Variants in AGBL4 observed in about 807,000 individuals in gnomAD.
AGBL4 encodes cytosolic carboxypeptidase 6.
In AGBL4, 58 loss-of-function variants were observed where a neutral mutation model predicts 66.4. The observed-to-expected ratio is 0.87, with a 90% CI of 0.71 to 1.09. The LOEUF is 1.09. Ranked by LOEUF, AGBL4 falls within the 50% of genes least tolerant of loss-of-function variation. The probability of loss-of-function intolerance (pLI) is 0.00; values close to 1 mark genes in which losing one functional copy is unlikely to be tolerated. For synonymous variants in AGBL4, 234 were observed against 222.9 expected, an observed-to-expected ratio of 1.05 and a Z score of -0.44; for missense variants, 579 against 631.0, an observed-to-expected ratio of 0.92 and a Z score of 0.88.
At chr1:49,158,130 AGAAAGCT>A (rs1470607815) in intron 4 of AGBL4, among the ~76,000 whole-genome samples, 1 of 152,166 alleles carries the variant, frequency 6.6e-6, no homozygotes, top group Non-Finnish European at 1.5e-5. Context: ...AGCCATATGC[AGAAAGCT>A]GAAACTGAAC....
At chr1:49,044,053 A>G (rs1336560444) in intron 5 of AGBL4, among the ~76,000 whole-genome samples, 20 of 152,174 alleles carry the variant, frequency 1.3e-4, no homozygotes, top group Non-Finnish European at 7.4e-5. Flanking sequence ...GGCACAATCC[A>G]CACTTTTTGA....
intron 6 of AGBL4, among the ~76,000 whole-genome samples, chr1:48,745,984 C>T (rs1203687416): frequency 6.6e-6 from 1 of 152,096 alleles, no homozygotes; most frequent in African/African-American, 2.4e-5. Flanking sequence ...GGCTTGAGGA[C>T]AGCCAAGGAC....
chr1:48,761,523 A>G, intron 6 of AGBL4: 1 of 1,519,690 alleles, frequency 6.6e-7, no homozygotes, highest in Non-Finnish European at 8.9e-7. Flanking sequence ...ATGAGTCATT[A>G]TGAGTTTAGA....
At chr1:49,177,541 A>G (rs748982113) in intron 4 of AGBL4, among the ~76,000 whole-genome samples, 3 of 152,204 alleles carry the variant, frequency 2.0e-5, no homozygotes, top group African/African-American at 4.8e-5. Context: ...CTCATCAGTC[A>G]TATTGAAACA....
intron 2 of AGBL4, among the ~76,000 whole-genome samples, chr1:49,750,417 T>C (rs528673406): frequency 1.5e-4 from 23 of 152,328 alleles, no homozygotes; most frequent in Admixed American, 7.8e-4. Flanking sequence ...TGTGGTGTTA[T>C]TTCTGAGGCT....
At chr1:48,535,008 G>A in intron 12 of AGBL4, 92 bp from the exon 13 acceptor site, 2 of 1,240,768 alleles carry the variant, frequency 1.6e-6, no homozygotes, top group South Asian at 1.3e-5. Flanking sequence ...ATTGAAGGAT[G>A]TTGTTTTTAA....
chr1:49,450,129 T>C (rs1322449649), intron 3 of AGBL4, among the ~76,000 whole-genome samples: 1 of 152,100 alleles, frequency 6.6e-6, no homozygotes, highest in Non-Finnish European at 1.5e-5. Context: ...TTCTTTATCT[T>C]GGCTAGAAAC....
chr1:49,716,743 A>T (rs1210737961), intron 2 of AGBL4, among the ~76,000 whole-genome samples: 1 of 151,972 alleles, frequency 6.6e-6, no homozygotes, highest in East Asian at 1.9e-4. Context: ...CATGCTAAAA[A>T]CTCTCAGTAA....
At chr1:48,640,009 A>C (rs1278916644) in intron 8 of AGBL4, among the ~76,000 whole-genome samples, 1 of 152,174 alleles carries the variant, frequency 6.6e-6, no homozygotes, top group Non-Finnish European at 1.5e-5. Context: ...AGAGTTACTG[A>C]ATGCAAAATC....
At chr1:49,868,962 T>C (rs537043480) in intron 1 of AGBL4, among the ~76,000 whole-genome samples, 2 of 151,714 alleles carry the variant, frequency 1.3e-5, no homozygotes, top group East Asian at 1.9e-4. Flanking sequence ...CAGACACTTC[T>C]CAAGACATTT....
chr1:49,043,297 G>A (rs1476335575), intron 5 of AGBL4, among the ~76,000 whole-genome samples: 3 of 152,082 alleles, frequency 2.0e-5, no homozygotes, highest in African/African-American at 7.2e-5. Context: ...TTCTGGTTGT[G>A]TTGGCCAATA....
chr1:49,713,638 A>T (rs1211382873), intron 2 of AGBL4, among the ~76,000 whole-genome samples: 5 of 152,066 alleles, frequency 3.3e-5, no homozygotes, highest in Non-Finnish European at 7.4e-5. Context: ...ATACATAAAC[A>T]GATTTTGTTG....
At chr1:49,598,865 G>T (rs1032280865) in intron 3 of AGBL4, among the ~76,000 whole-genome samples, 2 of 152,142 alleles carry the variant, frequency 1.3e-5, no homozygotes, top group Admixed American at 6.5e-5. Flanking sequence ...TAATCATGTG[G>T]TTTTTGTCAT....
intron 1 of AGBL4, among the ~76,000 whole-genome samples, chr1:49,861,197 T>C (rs1171873321): frequency 6.6e-6 from 1 of 152,094 alleles, no homozygotes; most frequent in Non-Finnish European, 1.5e-5. Flanking sequence ...AAAGGCAGTC[T>C]AGGCCATAAG....
intron 3 of AGBL4, among the ~76,000 whole-genome samples, chr1:49,361,306 A>G (rs1382233079): frequency 6.6e-6 from 1 of 152,098 alleles, no homozygotes; most frequent in Non-Finnish European, 1.5e-5. Context: ...CTCATCTCTC[A>G]TTCCTCTATC....
intron 11 of AGBL4, among the ~76,000 whole-genome samples, chr1:48,564,673 T>C (rs1003511265): frequency 1.3e-5 from 2 of 152,206 alleles, no homozygotes; most frequent in African/African-American, 2.4e-5. Context: ...AATGTAAATA[T>C]GTGCAATGAT....
chr1:48,758,324 G>C (rs1042534234), intron 6 of AGBL4, among the ~76,000 whole-genome samples: 4 of 152,078 alleles, frequency 2.6e-5, no homozygotes, highest in African/African-American at 9.7e-5. Context: ...CTCTTAGTGT[G>C]CTCCAGGTAT....
chr1:49,852,993 G>A lies in AGBL4; in HGVS notation c.35-1475C>T, dbSNP rs1309550985. Among the ~76,000 whole-genome samples the A allele has an allele frequency of 3.3e-5, 5 of 152,244 alleles. No individual in the cohort carries two copies. The East Asian group carries it at 9.7e-4, about 29-fold the overall frequency. On this transcript the variant is annotated intron_variant, in intron 1 of 13. Transcript: ENST00000371839. ...CACAAGCCCCCACCCAAATGAGGTG[G>A]AAAGAGATATCCATTTATAGTAACA...
chr1:48,855,751 CTT>C (rs534539533), intron 6 of AGBL4, among the ~76,000 whole-genome samples: 2 of 149,106 alleles, frequency 1.3e-5, no homozygotes, highest in African/African-American at 2.4e-5. Flanking sequence ...AACAATAGAA[CTT>C]TTTTTTTTGC....
Sources: gnomAD v4.1 joint callset for allele counts (sites outside exome capture counted in the v4.1 genomes callset) on GRCh38, gnomAD v4.1.1 for gene constraint, MANE v1.5 for transcripts, NCBI Gene and HGNC (gene_info 2026-07-23, HGNC 2026-07-21) for gene names.